The following KCNK2 variants were observed in gnomAD, a reference collection of about 807,000 sequenced individuals.
KCNK2 encodes the protein potassium two pore domain channel subfamily K member 2.
In KCNK2, 21 loss-of-function variants were observed where a neutral mutation model predicts 40.5. The observed-to-expected ratio is 0.52, with a 90% confidence interval of 0.37 to 0.75. The LOEUF is 0.75. Ranked by LOEUF, KCNK2 falls within the 30% of genes least tolerant of loss-of-function variation. KCNK2 has a pLI of 0.00. For missense variants in KCNK2, 399 were observed against 531.6 expected, an observed-to-expected ratio of 0.75 and a Z score of 2.45; for synonymous variants, 191 against 202.2, an observed-to-expected ratio of 0.94 and a Z score of 0.47.
upstream of KCNK2, among the ~76,000 whole-genome samples, chr1:215,078,801 C>G (rs1052188454): frequency 2.0e-5 from 3 of 152,138 alleles, no homozygotes; most frequent in Admixed American, 2.0e-4. Flanking sequence ...GATGAGAAAA[C>G]TGATGTTCAG....
chr1:215,026,114 A>C lies in KCNK2; in HGVS notation c.34+20159A>C, dbSNP rs890816566. 1.7e-4 allele frequency among the ~76,000 whole-genome samples: 26 copies of C among 152,058 alleles called. 1 individual carries two copies. Among genetic ancestry groups the C allele is most frequent in the Admixed American group, 1.4e-3 (22 of 15,270 alleles). On this transcript the variant is annotated intron_variant, in intron 1 of 6. Coordinates refer to the KCNK2 transcript ENST00000391895. ...CCCTGTTAGTGAATTTAAAATATAT[A>C]TACACATATTTTTTGGCCATTTGGA...
intron 1 of KCNK2, among the ~76,000 whole-genome samples, chr1:215,029,441 T>G (rs563041593): frequency 4.0e-5 from 6 of 150,230 alleles, no homozygotes; most frequent in African/African-American, 1.5e-4. Flanking sequence ...TGTCTTTTCA[T>G]GGCTTGATGG....
intron 5 of KCNK2, among the ~76,000 whole-genome samples, chr1:215,192,672 T>C (rs1363148844): frequency 6.6e-6 from 1 of 152,178 alleles, no homozygotes; most frequent in Non-Finnish European, 1.5e-5. Flanking sequence ...GTAACAGGTT[T>C]ACACACATAT....
chr1:215,073,644 A>G (rs569058745), intron 1 of KCNK2, among the ~76,000 whole-genome samples: 79 of 152,322 alleles, frequency 5.2e-4, no homozygotes, highest in Middle Eastern at 3.4e-3. Flanking sequence ...AACCACAGAG[A>G]GAAAATCATG....
chr1:215,140,738 G>T (rs774472779), intron 3 of KCNK2, among the ~76,000 whole-genome samples: 3 of 152,038 alleles, frequency 2.0e-5, no homozygotes, highest in Non-Finnish European at 2.9e-5. Flanking sequence ...GATTGTAAAG[G>T]CCGAGGACAT....
At chr1:215,217,470 A>C (rs1013921518) in intron 6 of KCNK2, among the ~76,000 whole-genome samples, 10 of 152,318 alleles carry the variant, frequency 6.6e-5, no homozygotes, top group African/African-American at 2.4e-4. Flanking sequence ...AAAGAACCAC[A>C]AAATGAAGAC....
intron 5 of KCNK2, among the ~76,000 whole-genome samples, chr1:215,174,356 C>T (rs948845217): frequency 2.0e-5 from 3 of 152,248 alleles, no homozygotes; most frequent in East Asian, 1.9e-4. Context: ...CAGTACCATG[C>T]TGTTTTGGTT....
At chr1:215,215,674 C>T (rs1175969843) in intron 6 of KCNK2, among the ~76,000 whole-genome samples, 3 of 152,178 alleles carry the variant, frequency 2.0e-5, no homozygotes. Context: ...GTTAAAAGGA[C>T]ACTAAAGTAT....
intron 1 of KCNK2, among the ~76,000 whole-genome samples, chr1:215,015,777 G>A (rs1656566918): frequency 6.6e-6 from 1 of 152,070 alleles, no homozygotes; most frequent in Non-Finnish European, 1.5e-5. Flanking sequence ...GAGATCCAAG[G>A]GGAACAAGTA....
chr1:215,198,571 G>C (rs1255151746), intron 6 of KCNK2, among the ~76,000 whole-genome samples: 1 of 152,108 alleles, frequency 6.6e-6, no homozygotes, highest in Non-Finnish European at 1.5e-5. Context: ...ATCAATAAAA[G>C]CCAACTAAAT....
chr1:215,049,342 C>T (rs906234713), intron 1 of KCNK2, among the ~76,000 whole-genome samples: 4 of 152,074 alleles, frequency 2.6e-5, no homozygotes, highest in Admixed American at 2.6e-4. Flanking sequence ...CATTTTCTAT[C>T]AAGATTTTGT....
chr1:215,182,984 G>T (rs1362342840), intron 5 of KCNK2, among the ~76,000 whole-genome samples: 1 of 151,984 alleles, frequency 6.6e-6, no homozygotes, highest in Non-Finnish European at 1.5e-5. Flanking sequence ...ATATCCTGAG[G>T]GTTCACTCAC....
At chr1:215,229,331 T>G (rs1458628245) in intron 6 of KCNK2, among the ~76,000 whole-genome samples, 1 of 152,018 alleles carries the variant, frequency 6.6e-6, no homozygotes, top group African/African-American at 2.4e-5. Context: ...GGCAGTTATA[T>G]TCCTAAAGCA....
At chr1:215,233,782 G>C (rs934212677) in intron 6 of KCNK2, among the ~76,000 whole-genome samples, 4 of 152,128 alleles carry the variant, frequency 2.6e-5, no homozygotes, top group African/African-American at 7.2e-5. Context: ...CATATTAGGA[G>C]ATTATTTTAA....
At position 215,235,238 on chromosome 1, in the gene KCNK2, T is replaced by C. The variant is rs988920235; in HGVS notation, c.*93T>C. On this transcript the variant is annotated 3_prime_UTR_variant, in exon 7 of 7. Transcript: ENST00000444842. ...CTGGTAGCATTTTTTAAATTGTGCA[T>C]GAGCTCAAAGGGGGAACAAAATAGA... is the stretch of plus-strand genomic sequence containing the variant. 1.8e-6 allele frequency: 2 copies of C among 1,098,160 alleles called. No homozygotes were observed. Among genetic ancestry groups the C allele is most frequent in the East Asian group, 2.4e-5 (1 of 41,498 alleles). 68.0% of individuals were successfully genotyped at this position (1,098,160 alleles called of 1,614,324 possible).
chr1:215,025,344 G>A (rs908123064), intron 1 of KCNK2, among the ~76,000 whole-genome samples: 4 of 152,112 alleles, frequency 2.6e-5, no homozygotes, highest in African/African-American at 7.2e-5. Flanking sequence ...ATACTTTTAT[G>A]TAAGTGATAT....
intron 1 of KCNK2, among the ~76,000 whole-genome samples, chr1:215,027,099 C>A (rs1337635420): frequency 6.6e-6 from 1 of 151,988 alleles, no homozygotes; most frequent in East Asian, 1.9e-4. Context: ...CTTGTTTATA[C>A]ACAGTCATTC....
rs540103733 is a variant in KCNK2, at chr1:215,050,307, G to A, written c.35-36061G>A. ...TCTACATGTTAGTATATAGAAAAAT[G>A]ACTGATTTGGGGGTTTGAATGATTT... is the stretch of plus-strand genomic sequence containing the variant. On this transcript the variant is annotated intron_variant, in intron 1 of 6. Coordinates refer to the KCNK2 transcript ENST00000391895. Among the ~76,000 whole-genome samples the A allele has an allele frequency of 6.5e-4, 99 of 152,224 alleles. 2 individuals are homozygous for A. In the South Asian group the frequency reaches 0.019, roughly 30 times the overall value.
At chr1:215,184,480 A>G (rs1664347441) in intron 5 of KCNK2, among the ~76,000 whole-genome samples, 1 of 152,190 alleles carries the variant, frequency 6.6e-6, no homozygotes, top group Non-Finnish European at 1.5e-5. Flanking sequence ...CACGCTGCTA[A>G]TAAAGACATA....
Sources: gnomAD v4.1 joint callset for allele counts (sites outside exome capture counted in the v4.1 genomes callset) on GRCh38, gnomAD v4.1.1 for gene constraint, MANE v1.5 for transcripts, NCBI Gene and HGNC (gene_info 2026-07-23, HGNC 2026-07-21) for gene names.